AGK: variants seen among roughly 807,000 people sequenced by gnomAD.
AGK encodes the protein acylglycerol kinase.
Under a neutral mutation model 66.4 loss-of-function variants are expected in AGK, and 52 were observed. The ratio of observed to expected loss-of-function variants is 0.78; its 90% CI spans 0.63 to 0.99. AGK has a LOEUF of 0.99. Among genes scored for constraint, AGK ranks in the 50% least tolerant of loss-of-function variants. AGK has a pLI of 0.00. For synonymous variants in AGK, 182 were observed against 181.1 expected, an observed-to-expected ratio of 1.00 and a Z score of -0.04; for missense variants, 451 against 506.6, an observed-to-expected ratio of 0.89 and a Z score of 1.05.
intron 2 of AGK, among the ~76,000 whole-genome samples, chr7:141,589,582 T>C (rs1449256752): frequency 6.6e-6 from 1 of 151,834 alleles, no homozygotes; most frequent in Non-Finnish European, 1.5e-5. Flanking sequence ...TTTTTTGAGA[T>C]GGAGTTTCGC....
chr7:141,554,635 A>T (rs1587052041), intron 1 of AGK, among the ~76,000 whole-genome samples: 1 of 152,212 alleles, frequency 6.6e-6, no homozygotes, highest in Non-Finnish European at 1.5e-5. Context: ...CCTTACTCTC[A>T]TGGAGTTTAC....
intron 2 of AGK, among the ~76,000 whole-genome samples, chr7:141,579,113 G>A (rs1473968133): frequency 6.6e-6 from 1 of 152,046 alleles, no homozygotes; most frequent in Non-Finnish European, 1.5e-5. Context: ...TGAGACTGGG[G>A]CCTAATAAAA....
chr7:141,649,045 G>T, intron 13 of AGK: 1 of 369,124 alleles, frequency 2.7e-6, no homozygotes, highest in Non-Finnish European at 4.7e-6. Flanking sequence ...AAAAAGCCAA[G>T]CAATGGAGAT....
intron 8 of AGK, among the ~76,000 whole-genome samples, chr7:141,620,615 A>G (rs1410945616): frequency 6.6e-6 from 1 of 152,144 alleles, no homozygotes; most frequent in Admixed American, 6.5e-5. Flanking sequence ...AGGGTAGGAA[A>G]ACCTGACCTG....
rs1441478007 is a variant in AGK at position 141,654,015 on chromosome 7, CCTT to C, written c.*1094_*1096del. 6.6e-6 allele frequency: 1 copy of C among 152,130 alleles called. No individual in the cohort carries two copies. The highest frequency in any genetic ancestry group is 1.5e-5 in the Non-Finnish European group (1 of 68,028). The allele number at this position is 152,130 out of a possible 1,614,324, so 9.4% of individuals were successfully genotyped here. A position where few individuals can be genotyped will look rare whatever the true frequency, so the allele number is the denominator to read the frequency against. ...TTAAACATTTCAAATTGGCTTTTCTCCTTCTGTATTTCCATACCACTTTTCAGC... is the reference window on the plus strand; with the variant it reads ...TTAAACATTTCAAATTGGCTTTTCTCCTGTATTTCCATACCACTTTTCAGC... On this transcript the variant is annotated 3_prime_UTR_variant, in exon 16 of 16. Coordinates refer to ENST00000649286, the MANE Select transcript of AGK (RefSeq NM_018238.4).
rs146752967 is a variant in AGK, at chr7:141,600,171, G to A, written c.222-1034G>A. The stretch of plus-strand genomic sequence containing the variant: ...TAAGACAGAGGACTGAGTAAATGTG[G>A]ATATAAAAGTTAGGTGTTTGACATT... On this transcript the variant is annotated intron_variant, in intron 4 of 15. Transcript: ENST00000649286. Among the ~76,000 whole-genome samples, 1,408 of 152,246 alleles carry A rather than the reference G, an allele frequency of 9.2e-3. 13 individuals carry two copies. Among genetic ancestry groups the A allele is most frequent in the Middle Eastern group, 0.017 (5 of 294 alleles).
intron 8 of AGK, among the ~76,000 whole-genome samples, chr7:141,616,957 C>T (rs1796719481): frequency 3.9e-5 from 6 of 152,004 alleles, no homozygotes; most frequent in Admixed American, 3.9e-4. Flanking sequence ...TGGGGTTTCA[C>T]TGTGTTAGCC....
At chr7:141,566,823 C>A in intron 2 of AGK, among the ~76,000 whole-genome samples, 1 of 152,284 alleles carries the variant, frequency 6.6e-6, no homozygotes, top group Admixed American at 6.5e-5. Flanking sequence ...TCTCTCTCCC[C>A]TATTTGTCAG....
intron 9 of AGK, among the ~76,000 whole-genome samples, chr7:141,627,790 A>T (rs1172080671): frequency 6.6e-6 from 1 of 152,262 alleles, no homozygotes; most frequent in Non-Finnish European, 1.5e-5. Flanking sequence ...ATCAGGATAC[A>T]TCTCAATAAC....
At chr7:141,560,795 C>CTTTTTTTTTTTT (rs71172604) in intron 2 of AGK, among the ~76,000 whole-genome samples, 1 of 124,012 alleles carries the variant, frequency 8.1e-6, no homozygotes, top group East Asian at 2.3e-4. Context: ...GCCATTCTTT[C>CTTTTTTTTTTTT]TTTTTTTTTT....
At chr7:141,576,043 C>G (rs1437559659) in intron 2 of AGK, among the ~76,000 whole-genome samples, 1 of 152,118 alleles carries the variant, frequency 6.6e-6, no homozygotes. Flanking sequence ...TTCCCCACTT[C>G]TTGGAACAAA....
rs193171447 is a variant in AGK, at chr7:141,553,915, C to T, written c.-14-1538C>T. On this transcript the variant is annotated intron_variant, in intron 1 of 15. Coordinates refer to ENST00000649286, the MANE Select transcript of AGK (RefSeq NM_018238.4). ...TCTATATACCTCACTAACAGATAGT[C>T]ATAAAAAAATTTTGCTTAAATTTTT... Among the ~76,000 whole-genome samples the T allele has an allele frequency of 5.0e-3, 762 of 151,966 alleles. 8 individuals carry two copies. The highest frequency in any genetic ancestry group is 0.018 in the African/African-American group (744 of 41,440).
At chr7:141,588,577 CT>C (rs1796041212) in intron 2 of AGK, among the ~76,000 whole-genome samples, 1 of 151,398 alleles carries the variant, frequency 6.6e-6, no homozygotes, top group Non-Finnish European at 1.5e-5. Context: ...GACAGCGCCA[CT>C]GCACTCCAGC....
chr7:141,590,586 G>C (rs1195886298), intron 2 of AGK, among the ~76,000 whole-genome samples: 1 of 152,080 alleles, frequency 6.6e-6, no homozygotes, highest in African/African-American at 2.4e-5. Flanking sequence ...ATATTATTTT[G>C]TTATCCAGAG....
intron 2 of AGK, among the ~76,000 whole-genome samples, chr7:141,570,254 G>A (rs984700420): frequency 1.3e-5 from 2 of 152,026 alleles, no homozygotes; most frequent in Non-Finnish European, 2.9e-5. Context: ...GGGCATGGTG[G>A]TGGGCACCTG....
At chr7:141,578,800 T>C (rs1187451710) in intron 2 of AGK, among the ~76,000 whole-genome samples, 1 of 151,734 alleles carries the variant, frequency 6.6e-6, no homozygotes, top group Non-Finnish European at 1.5e-5. Flanking sequence ...AAAACAGCTA[T>C]TAAAGGACTA....
intron 15 of AGK, among the ~76,000 whole-genome samples, chr7:141,652,225 T>C (rs1000196664): frequency 1.3e-5 from 2 of 152,222 alleles, no homozygotes; most frequent in Admixed American, 6.5e-5. Flanking sequence ...CCATAGTGAC[T>C]GGCGTCACAG....
chr7:141,559,091 G>T (rs577259551), intron 2 of AGK, among the ~76,000 whole-genome samples: 1 of 152,194 alleles, frequency 6.6e-6, no homozygotes, highest in South Asian at 2.1e-4. Flanking sequence ...TATTGATCAT[G>T]TCCTTTGATA....
intron 9 of AGK, among the ~76,000 whole-genome samples, chr7:141,627,459 C>G (rs924417576): frequency 6.6e-6 from 1 of 152,130 alleles, no homozygotes; most frequent in African/African-American, 2.4e-5. Flanking sequence ...GAAGGATCCT[C>G]ACTGTGTCAT....
Sources: allele counts gnomAD v4.1 joint callset (sites outside exome capture counted in the v4.1 genomes callset), GRCh38; gene constraint gnomAD v4.1.1; transcripts MANE v1.5; gene names NCBI Gene and HGNC (gene_info 2026-07-23, HGNC 2026-07-21).